Variants in NAALADL2 observed in about 807,000 individuals in gnomAD.
NAALADL2 encodes the protein N-acetylated alpha-linked acidic dipeptidase like 2.
NAALADL2 carries 76 observed loss-of-function variants against 87.2 expected under a neutral mutation model. The observed-to-expected ratio is 0.87, with a 90% CI of 0.72 to 1.05. The LOEUF (loss-of-function observed/expected upper bound fraction) is 1.05, where lower values mean the gene tolerates loss of function less well. Among genes scored for constraint, NAALADL2 ranks in the 50% least tolerant of loss-of-function variants. The pLI, the probability that NAALADL2 is intolerant of heterozygous loss-of-function variation, is 0.00. For missense variants in NAALADL2, 1,089 were observed against 945.8 expected (o/e 1.15, Z -1.99); for synonymous variants, 354 against 331.0 (o/e 1.07, Z -0.75).
chr3:175,034,036 C>T (rs2108928805), intron 1 of NAALADL2, among the ~76,000 whole-genome samples: 1 of 152,276 alleles, frequency 6.6e-6, no homozygotes, highest in Middle Eastern at 3.4e-3. Flanking sequence ...ATCCACGCTT[C>T]TTGATTCTCA....
chr3:175,538,226 G>C lies in NAALADL2; in HGVS notation c.1654-37815G>C, dbSNP rs182550195. On this transcript the variant is annotated intron_variant, in intron 9 of 13. Coordinates refer to ENST00000454872, the MANE Select transcript of NAALADL2 (RefSeq NM_207015.3). ...TTATTATATTCATTTCATATGATAG[G>C]TATGTTGATAAAATTCTGACATTAG... Among the ~76,000 whole-genome samples, 299 of 152,054 alleles carry C rather than the reference G, an allele frequency of 2.0e-3. 1 individual carries two copies. Among genetic ancestry groups the C allele is most frequent in the African/African-American group, 6.8e-3 (281 of 41,496 alleles).
chr3:175,134,843 T>C (rs764479944), intron 2 of NAALADL2, among the ~76,000 whole-genome samples: 1 of 152,212 alleles, frequency 6.6e-6, no homozygotes, highest in Non-Finnish European at 1.5e-5. Context: ...GATAACTGAT[T>C]TTTTAAAATG....
rs368496720 is a variant in NAALADL2, at chr3:175,088,069, A to T, written c.44-8721A>T. 5.3e-5 allele frequency among the ~76,000 whole-genome samples: 8 copies of T among 152,258 alleles called. No homozygotes were observed. In the South Asian group the frequency reaches 1.7e-3, roughly 32 times the overall value. ...TAATAATTCACTTAAACTATTTTTT[A>T]GATATAAAATTAATATATATGATCT... On this transcript the variant is annotated intron_variant, in intron 1 of 13. Transcript: ENST00000454872.
chr3:175,095,070 G>A (rs933660980), intron 1 of NAALADL2, among the ~76,000 whole-genome samples: 1 of 151,938 alleles, frequency 6.6e-6, no homozygotes, highest in Non-Finnish European at 1.5e-5. Context: ...CCTTTTCCTA[G>A]TTTTTTCCTC....
At chr3:175,589,698 T>A (rs1022885527) in intron 10 of NAALADL2, among the ~76,000 whole-genome samples, 1 of 151,928 alleles carries the variant, frequency 6.6e-6, no homozygotes, top group Admixed American at 6.6e-5. Flanking sequence ...TTGAGCATTT[T>A]TAGAATTGAT....
chr3:174,910,754 A>G (rs1366350112), intron 1 of NAALADL2, among the ~76,000 whole-genome samples: 2 of 152,092 alleles, frequency 1.3e-5, no homozygotes, highest in Non-Finnish European at 2.9e-5. Context: ...CACCTGTGAC[A>G]TGTGACTTGA....
chr3:174,511,163 T>C (rs939043478), intron 1 of NAALADL2, among the ~76,000 whole-genome samples: 26 of 152,064 alleles, frequency 1.7e-4, no homozygotes, highest in African/African-American at 6.3e-4. Flanking sequence ...CGGAATGGGC[T>C]ACAAATGTTA....
At chr3:174,705,317 A>G (rs1729950656) in intron 2 of NAALADL2, among the ~76,000 whole-genome samples, 1 of 152,204 alleles carries the variant, frequency 6.6e-6, no homozygotes, top group Non-Finnish European at 1.5e-5. Flanking sequence ...CCCAGTAAGA[A>G]TCAGTTTTTT....
At chr3:174,658,119 C>G (rs143676772) in intron 2 of NAALADL2, among the ~76,000 whole-genome samples, 3 of 152,192 alleles carry the variant, frequency 2.0e-5, no homozygotes, top group African/African-American at 7.2e-5. Context: ...TAGTTGTGTT[C>G]TCATTTCTTT....
chr3:174,800,885 C>T (rs1017734264), intron 3 of NAALADL2, among the ~76,000 whole-genome samples: 4 of 152,180 alleles, frequency 2.6e-5, no homozygotes, highest in Non-Finnish European at 5.9e-5. Flanking sequence ...GACTACCCTG[C>T]TGGATTATGG....
chr3:174,654,894 C>A (rs953360354), intron 2 of NAALADL2, among the ~76,000 whole-genome samples: 1 of 152,060 alleles, frequency 6.6e-6, no homozygotes, highest in Non-Finnish European at 1.5e-5. Context: ...CACCACCATG[C>A]CCGCCTAATT....
chr3:175,401,746 C>T (rs754164510), intron 5 of NAALADL2, among the ~76,000 whole-genome samples: 4 of 152,088 alleles, frequency 2.6e-5, no homozygotes, highest in Admixed American at 1.3e-4. Context: ...TTGACCAAAA[C>T]GTTTTTATGC....
At chr3:175,263,060 G>A (rs895641080) in intron 4 of NAALADL2, among the ~76,000 whole-genome samples, 2 of 150,554 alleles carry the variant, frequency 1.3e-5, no homozygotes, top group African/African-American at 2.4e-5. Flanking sequence ...CTCCAGAGCT[G>A]CTCCATTTGT....
At chr3:175,162,958 C>A (rs1247167021) in intron 2 of NAALADL2, among the ~76,000 whole-genome samples, 1 of 151,956 alleles carries the variant, frequency 6.6e-6, no homozygotes, top group Non-Finnish European at 1.5e-5. Flanking sequence ...ATGAAAAAAG[C>A]CTAGGTGAAG....
At chr3:175,175,027 C>A (rs1735505002) in intron 2 of NAALADL2, among the ~76,000 whole-genome samples, 1 of 151,852 alleles carries the variant, frequency 6.6e-6, no homozygotes, top group East Asian at 1.9e-4. Context: ...ATAATTTTTT[C>A]TCTTCTGTTT....
intron 5 of NAALADL2, among the ~76,000 whole-genome samples, chr3:175,344,658 G>A (rs1343188730): frequency 6.6e-6 from 1 of 151,872 alleles, no homozygotes; most frequent in African/African-American, 2.4e-5. Flanking sequence ...ATAAATGAAA[G>A]CACTGTTCCC....
chr3:174,530,208 C>A (rs1202060353), intron 1 of NAALADL2, among the ~76,000 whole-genome samples: 1 of 152,160 alleles, frequency 6.6e-6, no homozygotes, highest in Non-Finnish European at 1.5e-5. Flanking sequence ...GTTCAAAGTT[C>A]CACAAATCTC....
chr3:175,396,074 A>C (rs1769739020), intron 5 of NAALADL2, among the ~76,000 whole-genome samples: 1 of 152,208 alleles, frequency 6.6e-6, no homozygotes. Flanking sequence ...GATGAATAGC[A>C]ATGGAATCCT....
chr3:175,419,368 A>G (rs1581802998), intron 5 of NAALADL2, among the ~76,000 whole-genome samples: 1 of 151,902 alleles, frequency 6.6e-6, no homozygotes, highest in Admixed American at 6.6e-5. Flanking sequence ...AAAAATTATT[A>G]TAAGCAAAAA....
Sources: gnomAD v4.1 joint callset for allele counts (sites outside exome capture counted in the v4.1 genomes callset) on GRCh38, gnomAD v4.1.1 for gene constraint, MANE v1.5 for transcripts, NCBI Gene and HGNC (gene_info 2026-07-23, HGNC 2026-07-21) for gene names.